The following UBALD2 variants were observed in gnomAD, a reference collection of about 807,000 sequenced individuals.
UBALD2 encodes the protein UBA-like domain-containing protein 2.
In UBALD2, 8 loss-of-function variants were observed where a neutral mutation model predicts 15.9. The ratio of observed to expected loss-of-function variants is 0.50; its 90% CI spans 0.29 to 0.91. The LOEUF is 0.91. UBALD2 is among the 40% of genes least tolerant of loss of function. The probability of loss-of-function intolerance (pLI) is 0.07; values close to 1 mark genes in which losing one functional copy is unlikely to be tolerated. For missense variants in UBALD2, 178 were observed against 234.8 expected, an observed-to-expected ratio of 0.76 and a Z score of 1.58; for synonymous variants, 113 against 97.7, an observed-to-expected ratio of 1.16 and a Z score of -0.93.
At chr17:76,266,891 C>T (rs2070549665) in intron 2 of UBALD2, among the ~76,000 whole-genome samples, 2 of 152,152 alleles carry the variant, frequency 1.3e-5, no homozygotes, top group Non-Finnish European at 2.9e-5. Flanking sequence ...GGATTTTTAA[C>T]ACTTGGTGCC....
Position 76,270,608 on chromosome 17 carries a change from C to A in UBALD2, c.*103C>A. 3 of 1,099,826 alleles carry A rather than the reference C, an allele frequency of 2.7e-6. No individual in the cohort carries two copies. The highest frequency in any genetic ancestry group is 3.6e-6 in the Non-Finnish European group (3 of 822,980). 68.1% of individuals were successfully genotyped at this position (1,099,826 alleles called of 1,614,324 possible). A position where few individuals can be genotyped will look rare whatever the true frequency, so the allele number is the denominator to read the frequency against. On this transcript the variant is annotated 3_prime_UTR_variant, in exon 3 of 3. Coordinates refer to ENST00000327490, the MANE Select transcript of UBALD2 (RefSeq NM_182565.4). ...GGAGCCGGGGAGGGCAGGGGGTTTC[C>A]CGAAGATCGCACTGGAAGATTTTAT...
Position 76,269,088 on chromosome 17 carries a change from G to A in UBALD2, c.184-1106G>A, listed in dbSNP as rs910250022. ...CTCAAGTCGTTCCCCCAACTCCTGCGCCTGGGGGAGGGGCCAGTGTTGCTA... is the reference window on the plus strand; with the variant it reads ...CTCAAGTCGTTCCCCCAACTCCTGCACCTGGGGGAGGGGCCAGTGTTGCTA... On this transcript the variant is annotated intron_variant, in intron 2 of 2. Coordinates refer to ENST00000327490, the MANE Select transcript of UBALD2 (RefSeq NM_182565.4). This position sits in a 1 kb window ranked among gnomAD's most constrained non-coding sequence, Gnocchi z 4.6. Among the ~76,000 whole-genome samples the A allele has an allele frequency of 6.6e-6, 1 of 152,068 alleles. No individual in the cohort carries two copies. The highest frequency in any genetic ancestry group is 2.4e-5 in the African/African-American group (1 of 41,400).
At chr17:76,268,688 C>A (rs1308460740) in intron 2 of UBALD2, among the ~76,000 whole-genome samples, 3 of 151,816 alleles carry the variant, frequency 2.0e-5, no homozygotes, top group Non-Finnish European at 4.4e-5. Flanking sequence ...ATGTTACACA[C>A]CCCCTACACA....
At chr17:76,267,658 A>ATTTCT (rs1204767892) in intron 2 of UBALD2, among the ~76,000 whole-genome samples, 1 of 148,504 alleles carries the variant, frequency 6.7e-6, no homozygotes, top group Non-Finnish European at 1.5e-5. Context: ...CCAGCTGGCA[A>ATTTCT]TTTCTTTTCT....
At chr17:76,266,913 C>T (rs1479560405) in intron 2 of UBALD2, among the ~76,000 whole-genome samples, 1 of 152,162 alleles carries the variant, frequency 6.6e-6, no homozygotes, top group African/African-American at 2.4e-5. Context: ...TTGCCTTTGG[C>T]TCTCTGTTTT....
intron 2 of UBALD2, among the ~76,000 whole-genome samples, chr17:76,268,495 G>GT (rs2070561899): frequency 6.6e-6 from 1 of 151,812 alleles, no homozygotes; most frequent in African/African-American, 2.4e-5. Flanking sequence ...GGGTGGGGGG[G>GT]GGGCAGGGAG....
intron 2 of UBALD2, among the ~76,000 whole-genome samples, chr17:76,268,712 A>G (rs1425399672): frequency 2.0e-5 from 3 of 148,042 alleles, no homozygotes; most frequent in Non-Finnish European, 3.0e-5. Context: ...TCCGGTTTCT[A>G]GCTGTGAAAG....
chr17:76,267,562 C>T (rs1358691144), intron 2 of UBALD2, among the ~76,000 whole-genome samples: 4 of 148,986 alleles, frequency 2.7e-5, no homozygotes, highest in South Asian at 4.2e-4. Context: ...CTATGTGGCC[C>T]AAGCTGGTCT....
intron 2 of UBALD2, among the ~76,000 whole-genome samples, chr17:76,268,454 T>A (rs2070561094): frequency 6.6e-6 from 1 of 151,164 alleles, no homozygotes; most frequent in African/African-American, 2.5e-5. Context: ...CTTCATTCAT[T>A]GTTTCCTGCT....
Position 76,265,963 on chromosome 17 carries a change from C to G in UBALD2, c.177C>G (p.His59Gln), listed in dbSNP as rs1310113161. The change falls in exon 2 of 3, where the codon CAC becomes CAG. Residue 59 changes from histidine to glutamine, a missense_variant. Transcript: ENST00000327490. ...ETNIPNSHHH[H>Q]QMMCTPSNTP... ...ACATTCCCAACAGCCACCACCACCACCAGATGGTAAGCGGCGGCGGGCAGG... is the reference window on the plus strand; with the variant it reads ...ACATTCCCAACAGCCACCACCACCAGCAGATGGTAAGCGGCGGCGGGCAGG... 1.9e-6 allele frequency: 3 copies of G among 1,589,876 alleles called. No homozygotes were observed. Among genetic ancestry groups the G allele is most frequent in the Non-Finnish European group, 8.6e-7 (1 of 1,169,190 alleles).
At chr17:76,268,122 TAAG>T (rs924730239) in intron 2 of UBALD2, among the ~76,000 whole-genome samples, 1 of 152,174 alleles carries the variant, frequency 6.6e-6, no homozygotes, top group Non-Finnish European at 1.5e-5. Context: ...TCCCAGTTGA[TAAG>T]GAGGGCTTCC....
In UBALD2 at chr17:76,266,627, C is replaced by G. The variant is rs545680879; in HGVS notation, c.183+658C>G. On this transcript the variant is annotated intron_variant, in intron 2 of 2. Coordinates refer to ENST00000327490, the MANE Select transcript of UBALD2 (RefSeq NM_182565.4). Reference sequence around the variant, plus strand: ...ATGTGTCTTTAATCTCTGTGTTGAGCTCCACCAGCCCAGCACACAGAGAAG... The same window carrying G: ...ATGTGTCTTTAATCTCTGTGTTGAGGTCCACCAGCCCAGCACACAGAGAAG... 4.6e-5 allele frequency among the ~76,000 whole-genome samples: 7 copies of G among 152,314 alleles called. No homozygotes were observed. The South Asian group carries it at 1.2e-3, about 27-fold the overall frequency.
chr17:76,267,322 C>T (rs2070552330), intron 2 of UBALD2, among the ~76,000 whole-genome samples: 1 of 152,144 alleles, frequency 6.6e-6, no homozygotes, highest in African/African-American at 2.4e-5. Context: ...TCCTATTGCC[C>T]CTCCTCTGCA....
At chr17:76,270,110 A>G in intron 2 of UBALD2, 84 bp from the exon 3 acceptor site, 5 of 1,405,730 alleles carry the variant, frequency 3.6e-6, no homozygotes, top group Non-Finnish European at 4.9e-6. Context: ...ATGGGAGTAA[A>G]GGAGCGGCTG....
At chr17:76,268,621 G>A (rs1158541245) in intron 2 of UBALD2, among the ~76,000 whole-genome samples, 6 of 152,082 alleles carry the variant, frequency 3.9e-5, no homozygotes, top group Admixed American at 2.6e-4. Flanking sequence ...GGTGCCCTGG[G>A]TGCTGACATG....
chr17:76,265,711 C>T (rs1461548160), intron 1 of UBALD2, 86 bp downstream of exon 1: 6 of 1,268,626 alleles, frequency 4.7e-6, no homozygotes, highest in South Asian at 2.3e-5. Flanking sequence ...CTGTTGTCGG[C>T]CCGGAAGGCG....
At chr17:76,267,758 G>A (rs1482530893) in intron 2 of UBALD2, among the ~76,000 whole-genome samples, 1 of 149,814 alleles carries the variant, frequency 6.7e-6, no homozygotes, top group East Asian at 2.0e-4. Context: ...TTCACCTCCT[G>A]GGTTCAAACG....
At chr17:76,268,099 A>G (rs978861163) in intron 2 of UBALD2, among the ~76,000 whole-genome samples, 1 of 152,204 alleles carries the variant, frequency 6.6e-6, no homozygotes, top group Non-Finnish European at 1.5e-5. Flanking sequence ...GTAGATTCCC[A>G]TAGTTGGAAG....
At chr17:76,265,794 A>C (rs1405276989) in intron 1 of UBALD2, 113 bp from the exon 2 acceptor site, 2 of 1,443,612 alleles carry the variant, frequency 1.4e-6, no homozygotes, top group Admixed American at 4.4e-5. Context: ...GGGGCAGCCG[A>C]GGGTCGGGGG....
Sources: allele counts gnomAD v4.1 joint callset (sites outside exome capture counted in the v4.1 genomes callset), GRCh38; gene constraint gnomAD v4.1.1; non-coding constraint Gnocchi (gnomAD v3.1); transcripts MANE v1.5; gene names NCBI Gene and HGNC (gene_info 2026-07-23, HGNC 2026-07-21).